Variants in TRPM3 observed in about 807,000 individuals in gnomAD.
TRPM3 encodes the protein long transient receptor potential channel 3.
A neutral mutation model predicts 181.2 loss-of-function variants in TRPM3; 77 were observed. That is an observed-to-expected ratio of 0.42 (90% CI 0.35 to 0.51). TRPM3 has a LOEUF of 0.51. Among genes scored for constraint, TRPM3 ranks in the 20% least tolerant of loss-of-function variants. The probability of loss-of-function intolerance (pLI) is 0.01; values close to 1 mark genes in which losing one functional copy is unlikely to be tolerated. For synonymous variants in TRPM3, 745 were observed against 796.4 expected, an observed-to-expected ratio of 0.94 and a Z score of 1.09; for missense variants, 1,759 against 2,196.7, an observed-to-expected ratio of 0.80 and a Z score of 3.98.
chr9:71,034,294 G>A (rs947224225), intron 1 of TRPM3, among the ~76,000 whole-genome samples: 2 of 152,042 alleles, frequency 1.3e-5, no homozygotes, highest in African/African-American at 4.8e-5. Context: ...GGATTGGTGG[G>A]GAGTTCACAT....
intron 1 of TRPM3, among the ~76,000 whole-genome samples, chr9:71,148,535 C>A (rs2075559447): frequency 6.6e-6 from 1 of 152,070 alleles, no homozygotes; most frequent in Non-Finnish European, 1.5e-5. Context: ...TCACAGAATT[C>A]TTTGGAGCAG....
intron 1 of TRPM3, among the ~76,000 whole-genome samples, chr9:71,127,607 C>T (rs1433099047): frequency 3.3e-5 from 5 of 152,186 alleles, no homozygotes; most frequent in Non-Finnish European, 5.9e-5. Context: ...GTTTCCACCT[C>T]CAGGTTTTTG....
intron 1 of TRPM3, among the ~76,000 whole-genome samples, chr9:71,015,261 T>C (rs2097775549): frequency 6.6e-6 from 1 of 152,194 alleles, no homozygotes; most frequent in Non-Finnish European, 1.5e-5. Flanking sequence ...GTTCGGTCGC[T>C]TTGACAACTT....
intron 22 of TRPM3, among the ~76,000 whole-genome samples, chr9:70,558,791 A>G (rs2048353960): frequency 6.6e-6 from 1 of 152,224 alleles, no homozygotes; most frequent in Non-Finnish European, 1.5e-5. Context: ...GGAAGGCTAC[A>G]TCTATGCAGC....
intron 22 of TRPM3, among the ~76,000 whole-genome samples, chr9:70,590,769 T>C (rs774541363): frequency 4.6e-5 from 7 of 152,172 alleles, no homozygotes; most frequent in African/African-American, 9.7e-5. Context: ...TTCTAAGTGG[T>C]TCATTGTTTG....
Position 70,845,761 on chromosome 9 carries a change from A to C in TRPM3, c.676+617T>G, listed in dbSNP as rs1393104176. Among the ~76,000 whole-genome samples the C allele has an allele frequency of 3.9e-5, 6 of 152,290 alleles. No individual in the cohort carries two copies. The East Asian group carries it at 1.2e-3, about 29-fold the overall frequency. ...CCATTCCATTATCTGGTGCACATTA[A>C]AAATGTTCTGTAAATAAGCACTTAA... is the stretch of plus-strand genomic sequence containing the variant. On this transcript the variant is annotated intron_variant, in intron 4 of 25. Transcript: ENST00000677713.
intron 1 of TRPM3, among the ~76,000 whole-genome samples, chr9:70,960,726 A>G (rs894268161): frequency 6.6e-6 from 1 of 152,174 alleles, no homozygotes; most frequent in African/African-American, 2.4e-5. Context: ...CTCACATGCA[A>G]CATACCAGAG....
intron 22 of TRPM3, among the ~76,000 whole-genome samples, chr9:70,581,059 G>C (rs910717513): frequency 1.3e-5 from 2 of 152,188 alleles, no homozygotes; most frequent in African/African-American, 4.8e-5. Context: ...TATTATAGCA[G>C]GATGTCTCCT....
chr9:70,870,766 AG>A (rs1194096816), intron 1 of TRPM3, among the ~76,000 whole-genome samples: 1 of 152,058 alleles, frequency 6.6e-6, no homozygotes, highest in Non-Finnish European at 1.5e-5. Context: ...TAAAACAGTA[AG>A]GGTGGAAAAA....
chr9:70,659,757 CT>C (rs1356708388), intron 9 of TRPM3, among the ~76,000 whole-genome samples: 1 of 151,872 alleles, frequency 6.6e-6, no homozygotes, highest in Non-Finnish European at 1.5e-5. Flanking sequence ...ATATTTTTTC[CT>C]TTTTTTCCTC....
At chr9:71,320,661 C>A (rs569127382) in intron 1 of TRPM3, among the ~76,000 whole-genome samples, 1 of 152,134 alleles carries the variant, frequency 6.6e-6, no homozygotes, top group East Asian at 1.9e-4. Context: ...TTCTTTCTCT[C>A]TGGCAATCTC....
chr9:70,862,353 T>C (rs17556199), intron 3 of TRPM3, among the ~76,000 whole-genome samples: 4,395 of 152,310 alleles, frequency 0.029, 88 homozygotes, highest in Middle Eastern at 0.058. Context: ...ATGCTTTTTA[T>C]GTGGAATCTT....
At chr9:71,279,924 C>T (rs2084564240) in intron 1 of TRPM3, among the ~76,000 whole-genome samples, 1 of 151,878 alleles carries the variant, frequency 6.6e-6, no homozygotes, top group African/African-American at 2.4e-5. Context: ...CTAAAAAATA[C>T]AAAAATTAGC....
intron 1 of TRPM3, among the ~76,000 whole-genome samples, chr9:70,927,299 C>T (rs1220622945): frequency 6.6e-6 from 1 of 152,018 alleles, no homozygotes; most frequent in African/African-American, 2.4e-5. Flanking sequence ...ATGTTCTGGA[C>T]ATAGAGGGTC....
intron 1 of TRPM3, among the ~76,000 whole-genome samples, chr9:71,181,750 A>T (rs957962158): frequency 2.0e-5 from 3 of 152,174 alleles, no homozygotes; most frequent in Admixed American, 2.0e-4. Context: ...TATCTGCCGT[A>T]CACACTCACA....
At position 70,632,615 on chromosome 9, in the gene TRPM3, C is replaced by T. The variant is rs58597642; in HGVS notation, c.1632+2596G>A. ...ATTTCTAGACCAGTTCAGTACTATTCTTGGTCATTTGTTATCATTTTTTCC... is the reference window on the plus strand; with the variant it reads ...ATTTCTAGACCAGTTCAGTACTATTTTTGGTCATTTGTTATCATTTTTTCC... On this transcript the variant is annotated intron_variant, in intron 12 of 25. Coordinates refer to ENST00000677713, the MANE Select transcript of TRPM3 (RefSeq NM_001366145.2). 3.5e-3 allele frequency among the ~76,000 whole-genome samples: 528 copies of T among 152,206 alleles called. 4 individuals are homozygous for T. Among genetic ancestry groups the T allele is most frequent in the African/African-American group, 0.012 (505 of 41,526 alleles).
At chr9:71,190,479 A>G (rs1055640317) in intron 1 of TRPM3, among the ~76,000 whole-genome samples, 2 of 151,870 alleles carry the variant, frequency 1.3e-5, no homozygotes, top group African/African-American at 2.4e-5. Context: ...CTTTTCCCAC[A>G]TCCGATAATC....
intron 1 of TRPM3, among the ~76,000 whole-genome samples, chr9:71,118,295 A>G (rs534449159): frequency 4.5e-4 from 68 of 152,324 alleles, no homozygotes; most frequent in African/African-American, 1.6e-3. Flanking sequence ...TCTGAGATGG[A>G]CAAAACAACA....
chr9:71,170,995 G>A (rs534665263), intron 1 of TRPM3, among the ~76,000 whole-genome samples: 1 of 151,288 alleles, frequency 6.6e-6, no homozygotes, highest in East Asian at 2.0e-4. Flanking sequence ...CCCTGAGAAA[G>A]AGAATATGCG....
Sources: gnomAD v4.1 joint callset for allele counts (sites outside exome capture counted in the v4.1 genomes callset) on GRCh38, gnomAD v4.1.1 for gene constraint, MANE v1.5 for transcripts, NCBI Gene and HGNC (gene_info 2026-07-23, HGNC 2026-07-21) for gene names.